The following PHC3 variants were observed in gnomAD, a reference collection of about 807,000 sequenced individuals.
The protein encoded by PHC3 is polyhomeotic homolog 3.
PHC3 carries 13 observed loss-of-function variants against 107.4 expected under a neutral mutation model. The observed-to-expected ratio is 0.12, with a 90% CI of 0.08 to 0.19. PHC3 has a LOEUF of 0.19. PHC3 is among the 10% of genes least tolerant of loss of function. The probability of loss-of-function intolerance (pLI) is 1.00; values close to 1 mark genes in which losing one functional copy is unlikely to be tolerated. For missense variants in PHC3, 992 were observed against 1,210.9 expected (o/e 0.82, Z 2.68); for synonymous variants, 456 against 427.4 (o/e 1.07, Z -0.83).
chr3:170,173,252 A>C (rs1331602321), intron 2 of PHC3, among the ~76,000 whole-genome samples: 2 of 152,160 alleles, frequency 1.3e-5, no homozygotes, highest in Non-Finnish European at 2.9e-5. Flanking sequence ...GGCCAGGCCA[A>C]CTAAGCATTT....
intron 6 of PHC3, among the ~76,000 whole-genome samples, chr3:170,142,106 G>A (rs921971109): frequency 2.0e-4 from 30 of 152,136 alleles, no homozygotes; most frequent in African/African-American, 7.0e-4. Flanking sequence ...TAACGGCTCC[G>A]AGAATAGAGC....
chr3:170,120,793 C>T (rs964448986), intron 9 of PHC3, among the ~76,000 whole-genome samples: 4 of 151,988 alleles, frequency 2.6e-5, no homozygotes, highest in Non-Finnish European at 5.9e-5. Context: ...GTTGCCTGGA[C>T]GGCAGACAGG....
intron 8 of PHC3, among the ~76,000 whole-genome samples, chr3:170,125,346 ATACTT>A (rs1450632368): frequency 2.0e-5 from 3 of 152,232 alleles, no homozygotes; most frequent in Non-Finnish European, 4.4e-5. Flanking sequence ...GTCACAGTGA[ATACTT>A]TAATTTGCCT....
intron 12 of PHC3, among the ~76,000 whole-genome samples, chr3:170,103,766 C>G (rs2108277320): frequency 6.6e-6 from 1 of 152,286 alleles, no homozygotes; most frequent in African/African-American, 2.4e-5. Flanking sequence ...TTGAAAATAC[C>G]CTGAGCCAGG....
chr3:170,106,765 GGGTTTTTT>G, intron 12 of PHC3, 59 bp downstream of exon 12: 1 of 978,534 alleles, frequency 1.0e-6, no homozygotes, highest in Non-Finnish European at 1.5e-6. Context: ...AGCTATTCAA[GGGTTTTTT>G]GGTTTAGTTG....
chr3:170,151,476 G>C (rs1316700542), intron 4 of PHC3, among the ~76,000 whole-genome samples: 1 of 152,098 alleles, frequency 6.6e-6, no homozygotes, highest in African/African-American at 2.4e-5. Flanking sequence ...GCTGGGAAAG[G>C]AAATTCCTGG....
chr3:170,137,866 C>T (rs1723370304), intron 6 of PHC3, among the ~76,000 whole-genome samples: 1 of 152,156 alleles, frequency 6.6e-6, no homozygotes, highest in South Asian at 2.1e-4. Context: ...CCACTGCACT[C>T]CAGCCTGGGC....
chr3:170,171,982 T>A lies in PHC3; in HGVS notation c.337-532A>T, dbSNP rs1052628136. On this transcript the variant is annotated intron_variant, in intron 3 of 14. Coordinates refer to ENST00000495893, the MANE Select transcript of PHC3 (RefSeq NM_024947.4). ...GTACAATAGTAACAAAAATCTTTTT[T>A]AAAAACAAGCATTTAATAATGAAAT... 2.6e-5 allele frequency among the ~76,000 whole-genome samples: 4 copies of A among 152,174 alleles called. No individual in the cohort carries two copies. The East Asian group carries it at 5.8e-4, about 22-fold the overall frequency.
chr3:170,122,102 T>C (rs1236754046), intron 9 of PHC3, among the ~76,000 whole-genome samples: 1 of 151,964 alleles, frequency 6.6e-6, no homozygotes, highest in African/African-American at 2.4e-5. Context: ...AATAAAAAAT[T>C]AGCCAAGTGT....
rs1332468202 is a variant in PHC3, at chr3:170,181,723, C to A, written c.-8G>T. On this transcript the variant is annotated 5_prime_UTR_variant, in exon 1 of 15. It introduces an in-frame stop codon into an upstream open reading frame of the 5' UTR. Coordinates refer to ENST00000495893, the MANE Select transcript of PHC3 (RefSeq NM_024947.4). ...TCACTCCGCTTCCGCCATCTTCTCT[C>A]CTCCATCACTAACATGGGCTGCGCA... 3 of 1,612,906 alleles carry A rather than the reference C, an allele frequency of 1.9e-6. No individual in the cohort carries two copies. The highest frequency in any genetic ancestry group is 2.5e-6 in the Non-Finnish European group (3 of 1,179,818).
In PHC3 at chr3:170,097,426, A is replaced by T. The variant is rs780312108; in HGVS notation, c.2834-42T>A. 8.8e-6 allele frequency: 14 copies of T among 1,588,120 alleles called. No homozygotes were observed. Among genetic ancestry groups the T allele is most frequent in the Non-Finnish European group, 1.2e-5 (14 of 1,164,058 alleles). Reference sequence around the variant, plus strand: ...GGACAGAAGTTAGAATTAAATATACAACAATTAGACATTACTCCTAACAGT... The same window carrying T: ...GGACAGAAGTTAGAATTAAATATACTACAATTAGACATTACTCCTAACAGT... On this transcript the variant is annotated intron_variant, in intron 14 of 14. Transcript: ENST00000495893. This position sits in a 1 kb window ranked among gnomAD's most constrained non-coding sequence, Gnocchi z 4.1.
rs1171353931 is a variant in PHC3, at chr3:170,091,281, G to C, written c.*5949C>G. 2 of 152,174 alleles carry C rather than the reference G, an allele frequency of 1.3e-5. No individual in the cohort carries two copies. The highest frequency in any genetic ancestry group is 4.8e-5 in the African/African-American group (2 of 41,432). The allele number at this position is 152,174 out of a possible 1,614,324, so 9.4% of individuals were successfully genotyped here. ...AACACCTTGCCATGTTAGTATAACA[G>C]TGTTTTCAAATTATGTTGTTTTCAA... On this transcript the variant is annotated 3_prime_UTR_variant, in exon 15 of 15. Transcript: ENST00000495893.
rs1314685753 is a variant in PHC3, at chr3:170,091,043, G to A, written c.*6187C>T. The A allele has an allele frequency of 6.6e-6, 1 of 152,080 alleles. No homozygotes were observed. Among genetic ancestry groups the A allele is most frequent in the Non-Finnish European group, 1.5e-5 (1 of 68,012 alleles). The allele number at this position is 152,080 out of a possible 1,614,324, so 9.4% of individuals were successfully genotyped here. Reference sequence around the variant, plus strand: ...CAGGTTGATGTTTAACTTCACTAATGACTAGACACCCCACCACTCTCTCAT... The same window carrying A: ...CAGGTTGATGTTTAACTTCACTAATAACTAGACACCCCACCACTCTCTCAT... On this transcript the variant is annotated 3_prime_UTR_variant, in exon 15 of 15. Transcript: ENST00000495893.
intron 2 of PHC3, among the ~76,000 whole-genome samples, chr3:170,176,084 G>T (rs964785835): frequency 6.6e-6 from 1 of 151,322 alleles, no homozygotes; most frequent in Non-Finnish European, 1.5e-5. Flanking sequence ...AAATTAGCTG[G>T]ATCTGCTGGC....
intron 4 of PHC3, among the ~76,000 whole-genome samples, chr3:170,168,024 T>C (rs933820977): frequency 1.3e-5 from 2 of 151,902 alleles, no homozygotes; most frequent in African/African-American, 4.8e-5. Context: ...GAGCCAGGCA[T>C]AGTGGTGTGC....
rs369674373 is a variant in PHC3, at chr3:170,137,452, T to C, written c.673-787A>G. Among the ~76,000 whole-genome samples the C allele has an allele frequency of 2.6e-5, 4 of 152,168 alleles. No individual in the cohort carries two copies. In the East Asian group the frequency reaches 7.7e-4, roughly 29 times the overall value. ...AGAAAAATGCTGCTCCAAAAGTTGC[T>C]GAACTTCTTGCCTATCTAGAATGAA... On this transcript the variant is annotated intron_variant, in intron 6 of 14. Transcript: ENST00000495893.
At chr3:170,126,274 C>T (rs1055643426) in intron 8 of PHC3, among the ~76,000 whole-genome samples, 4 of 151,498 alleles carry the variant, frequency 2.6e-5, no homozygotes, top group Non-Finnish European at 5.9e-5. Flanking sequence ...AATAAAAAAA[C>T]AAGCTTAATA....
At chr3:170,173,016 C>T (rs374036572) in intron 2 of PHC3, among the ~76,000 whole-genome samples, 1 of 151,872 alleles carries the variant, frequency 6.6e-6, no homozygotes, top group Non-Finnish European at 1.5e-5. Context: ...CATGGTGAAA[C>T]CCCGTCTCTA....
At position 170,136,451 on chromosome 3, in the gene PHC3, C is replaced by T. The variant is rs756520821; in HGVS notation, c.887G>A (p.Arg296Gln). Residue 296 changes from arginine (R) to glutamine (Q), a missense_variant, in exon 7 of 15, where the codon CGG becomes CAG. Physicochemically the swap from Arg to Gln is conservative, Grantham distance 43. Coordinates refer to ENST00000495893, the MANE Select transcript of PHC3 (RefSeq NM_024947.4). The stretch of plus-strand genomic sequence containing the variant: ...TATTAACTGGTGAATACTTGATGTC[C>T]GGGTGACAGCTGTGCTTCGTGATTC... ...SLESRSTAVT[R>Q]TSSIHQLIAP... is the part of the protein sequence containing the mutation. 6 of 1,605,124 alleles carry T rather than the reference C, an allele frequency of 3.7e-6. No homozygotes were observed. The highest frequency in any genetic ancestry group is 3.4e-5 in the South Asian group (3 of 88,834).
Sources: allele counts gnomAD v4.1 joint callset (sites outside exome capture counted in the v4.1 genomes callset), GRCh38; gene constraint gnomAD v4.1.1; non-coding constraint Gnocchi (gnomAD v3.1); transcripts MANE v1.5; gene names NCBI Gene and HGNC (gene_info 2026-07-23, HGNC 2026-07-21).